The following IQCH variants were observed in gnomAD, a reference collection of about 807,000 sequenced individuals.
The protein encoded by IQCH is IQ domain-containing protein H.
IQCH carries 98 observed loss-of-function variants against 117.0 expected under a neutral mutation model. The ratio of observed to expected loss-of-function variants is 0.84; its 90% CI spans 0.71 to 0.99. IQCH has a LOEUF of 0.99. IQCH is among the 50% of genes least tolerant of loss of function. The pLI is 0.00. For missense variants in IQCH, 1,102 were observed against 1,243.8 expected (o/e 0.89, Z 1.72); for synonymous variants, 412 against 448.2 (o/e 0.92, Z 1.02).
At chr15:67,415,535 T>A (rs116783877) in intron 14 of IQCH, among the ~76,000 whole-genome samples, 1,790 of 152,272 alleles carry the variant, frequency 0.012, 35 homozygotes, top group African/African-American at 0.041. Flanking sequence ...GGGCATAGTG[T>A]CAGATGTTTG....
intron 4 of IQCH, among the ~76,000 whole-genome samples, chr15:67,285,352 G>C (rs1033529162): frequency 6.6e-6 from 1 of 150,856 alleles, no homozygotes; most frequent in African/African-American, 2.4e-5. Flanking sequence ...ATCCTTTGTC[G>C]GTTACATAGT....
At chr15:67,438,589 C>T (rs2082193566) in intron 16 of IQCH, among the ~76,000 whole-genome samples, 1 of 152,128 alleles carries the variant, frequency 6.6e-6, no homozygotes, top group African/African-American at 2.4e-5. Context: ...TGTAAATAGC[C>T]TAAATGCTCC....
chr15:67,311,702 A>G lies in IQCH; in HGVS notation c.388-25273A>G, dbSNP rs533754099. ...GTTTTGACATACACAATTATACTAA[A>G]TTCTTATAAAATTTGCATTTACTTA... On this transcript the variant is annotated intron_variant, in intron 4 of 20. Coordinates refer to ENST00000335894, the MANE Select transcript of IQCH (RefSeq NM_001031715.3). 2.0e-5 allele frequency among the ~76,000 whole-genome samples: 3 copies of G among 152,012 alleles called. No homozygotes were observed. In the East Asian group the frequency reaches 5.8e-4, roughly 29 times the overall value.
At chr15:67,257,061 AATT>A (rs1228006075) in intron 1 of IQCH, among the ~76,000 whole-genome samples, 2 of 152,182 alleles carry the variant, frequency 1.3e-5, no homozygotes, top group Non-Finnish European at 2.9e-5. Flanking sequence ...GGCTACCAAT[AATT>A]AGTGTGTCTA....
At chr15:67,349,795 A>G (rs1969573454) in intron 6 of IQCH, among the ~76,000 whole-genome samples, 1 of 152,202 alleles carries the variant, frequency 6.6e-6, no homozygotes, top group Admixed American at 6.5e-5. Flanking sequence ...AGATATATGG[A>G]TAGTAAATAG....
rs1055327309 is a variant in IQCH, at chr15:67,422,023, C to T, written c.2505+446C>T. Among the ~76,000 whole-genome samples the T allele has an allele frequency of 9.2e-5, 14 of 151,376 alleles. No homozygotes were observed. In the East Asian group the frequency reaches 9.7e-4, roughly 10 times the overall value. On this transcript the variant is annotated intron_variant, in intron 16 of 20. Transcript: ENST00000335894. This position sits in a 1 kb window ranked among gnomAD's most constrained non-coding sequence, Gnocchi z 4.7. The stretch of plus-strand genomic sequence containing the variant: ...CTGAGGCAGGAGAATCACTTGAACC[C>T]GGGAGGCAGAGGTTGCAATGAGCCG...
intron 4 of IQCH, among the ~76,000 whole-genome samples, chr15:67,325,002 T>G (rs1567097412): frequency 6.6e-6 from 1 of 152,124 alleles, no homozygotes; most frequent in Non-Finnish European, 1.5e-5. Flanking sequence ...TTAAATATTT[T>G]TCTCTATGAT....
At chr15:67,378,820 A>T (rs1252024461) in intron 10 of IQCH, among the ~76,000 whole-genome samples, 1 of 152,152 alleles carries the variant, frequency 6.6e-6, no homozygotes, top group Admixed American at 6.6e-5. Flanking sequence ...ACTATAAAAG[A>T]TAACATCCTT....
rs576935995 is a variant in IQCH, at chr15:67,339,953, A to C, written c.508+2858A>C. Among the ~76,000 whole-genome samples the C allele has an allele frequency of 1.1e-4, 16 of 152,206 alleles. No individual in the cohort carries two copies. The East Asian group carries it at 2.7e-3, about 26-fold the overall frequency. On this transcript the variant is annotated intron_variant, in intron 5 of 20. Coordinates refer to ENST00000335894, the MANE Select transcript of IQCH (RefSeq NM_001031715.3). The stretch of plus-strand genomic sequence containing the variant: ...TCAGATTTCAACTGCAGGACCTATA[A>C]ATTTGGGTAAATTTCTCTCTTCTAG...
rs1337298365 is a variant in IQCH at position 67,491,943 on chromosome 15, G to A, written c.2861+1879G>A. ...GGGCATACAGTAAACAAGTAAACAG[G>A]TAAACGTGGTCTAGTATGTCAACTG... On this transcript the variant is annotated intron_variant, in intron 19 of 20. Transcript: ENST00000335894. The surrounding 1 kb of genome is among the most constrained non-coding windows in gnomAD (Gnocchi z 4.9). 6.6e-6 allele frequency among the ~76,000 whole-genome samples: 1 copy of A among 152,106 alleles called. No homozygotes were observed. Among genetic ancestry groups the A allele is most frequent in the African/African-American group, 2.4e-5 (1 of 41,420 alleles).
intron 6 of IQCH, among the ~76,000 whole-genome samples, chr15:67,346,236 T>C (rs971957917): frequency 6.6e-6 from 1 of 151,864 alleles, no homozygotes; most frequent in African/African-American, 2.4e-5. Flanking sequence ...AAATATAAAA[T>C]ACATGAAGCA....
chr15:67,301,968 A>G (rs992457630), intron 4 of IQCH, among the ~76,000 whole-genome samples: 1 of 152,194 alleles, frequency 6.6e-6, no homozygotes, highest in Non-Finnish European at 1.5e-5. Context: ...AGAAATAACT[A>G]TGTGTAGTGC....
rs1398859246 is a variant in IQCH, at chr15:67,259,560, A to G, written c.52-1712A>G. ...CTATCTCACAACACTATGATGAAAT[A>G]TCATTGTCCACACAAGGCAGGTGAA... On this transcript the variant is annotated intron_variant, in intron 1 of 20. Coordinates refer to ENST00000335894, the MANE Select transcript of IQCH (RefSeq NM_001031715.3). Among the ~76,000 whole-genome samples the G allele has an allele frequency of 2.0e-5, 3 of 152,258 alleles. No homozygotes were observed. In the East Asian group the frequency reaches 5.8e-4, roughly 29 times the overall value.
intron 7 of IQCH, among the ~76,000 whole-genome samples, chr15:67,358,202 C>CTTTTTTTTTTTTTTT (rs1555462676): frequency 1.7e-4 from 1 of 5,972 alleles, no homozygotes; most frequent in Non-Finnish European, 3.4e-4. Context: ...GAGGCACTTT[C>CTTTTTTTTTTTTTTT]TTTTCTTTTT....
chr15:67,452,205 G>T (rs1314642642), intron 16 of IQCH, among the ~76,000 whole-genome samples: 1 of 152,104 alleles, frequency 6.6e-6, no homozygotes, highest in African/African-American at 2.4e-5. Context: ...CTTTTAATTG[G>T]AGCATTTAGC....
At chr15:67,383,327 G>C (rs1311589514) in intron 10 of IQCH, among the ~76,000 whole-genome samples, 1 of 152,136 alleles carries the variant, frequency 6.6e-6, no homozygotes, top group African/African-American at 2.4e-5. Flanking sequence ...GGTAACAGAG[G>C]TCCCAAGTAA....
chr15:67,329,930 A>G (rs936049917), intron 4 of IQCH, among the ~76,000 whole-genome samples: 4 of 152,194 alleles, frequency 2.6e-5, no homozygotes, highest in African/African-American at 9.6e-5. Flanking sequence ...GTAGAAAATA[A>G]CAATAGATTA....
intron 16 of IQCH, among the ~76,000 whole-genome samples, chr15:67,442,966 T>C (rs955950312): frequency 6.6e-6 from 1 of 151,438 alleles, no homozygotes; most frequent in Non-Finnish European, 1.5e-5. Flanking sequence ...ACAGCATTTG[T>C]AGTCACCTGG....
At chr15:67,438,306 A>G (rs528279041) in intron 16 of IQCH, among the ~76,000 whole-genome samples, 1 of 152,300 alleles carries the variant, frequency 6.6e-6, no homozygotes, top group African/African-American at 2.4e-5. Flanking sequence ...ACTAAGCATC[A>G]TATATGAAGG....
Sources: gnomAD v4.1 joint callset for allele counts (sites outside exome capture counted in the v4.1 genomes callset) on GRCh38, gnomAD v4.1.1 for gene constraint, Gnocchi (gnomAD v3.1) non-coding constraint, MANE v1.5 for transcripts, NCBI Gene and HGNC (gene_info 2026-07-23, HGNC 2026-07-21) for gene names.